GAS2L2: variants seen among roughly 807,000 people sequenced by gnomAD.
The protein encoded by GAS2L2 is growth arrest specific 2 like 2.
In GAS2L2, 21 loss-of-function variants were observed where a neutral mutation model predicts 35.2. The ratio of observed to expected loss-of-function variants is 0.60; its 90% CI spans 0.42 to 0.86. The LOEUF (loss-of-function observed/expected upper bound fraction) is 0.86, where lower values mean the gene tolerates loss of function less well. GAS2L2 is among the 40% of genes least tolerant of loss of function. The probability of loss-of-function intolerance (pLI) is 0.00; values close to 1 mark genes in which losing one functional copy is unlikely to be tolerated. For missense variants in GAS2L2, 1,169 were observed against 1,144.4 expected, an observed-to-expected ratio of 1.02 and a Z score of -0.31; for synonymous variants, 490 against 473.2, an observed-to-expected ratio of 1.04 and a Z score of -0.46.
Position 35,746,424 on chromosome 17 carries a change from A to C in GAS2L2, c.1086-13T>G, listed in dbSNP as rs782447823. On this transcript the variant is annotated splice_polypyrimidine_tract_variant and intron_variant, in intron 5 of 5. Coordinates refer to ENST00000604641, the MANE Select transcript of GAS2L2 (RefSeq NM_139285.4). ...CCTCTCCTGGCACCTGAAAGGGAGA[A>C]TCACAAGGCTGCAAAGGGAGACTCA... 7.5e-7 allele frequency: 1 copy of C among 1,327,864 alleles called. No individual in the cohort carries two copies. The highest frequency in any genetic ancestry group is 9.7e-7 in the Non-Finnish European group (1 of 1,029,158). 82.3% of individuals were successfully genotyped at this position (1,327,864 alleles called of 1,614,324 possible). A position where few individuals can be genotyped will look rare whatever the true frequency, so the allele number is the denominator to read the frequency against.
Position 35,745,112 on chromosome 17 carries a change from G to A in GAS2L2, c.2385C>T (p.Ile795=). The change falls in exon 6 of 6, where the codon ATC becomes ATT. Residue 795 remains isoleucine (I), a synonymous_variant. Coordinates refer to ENST00000604641, the MANE Select transcript of GAS2L2 (RefSeq NM_139285.4). ...DHRPEKQPSR[I]PRPLAYVFLG... ...GGAAGACATAGGCCAGTGGCCTGGG[G>A]ATTCGTGAAGGCTGCTTCTCAGGCC... 6.2e-7 allele frequency: 1 copy of A among 1,613,434 alleles called. No individual in the cohort carries two copies. Among genetic ancestry groups the A allele is most frequent in the African/African-American group, 1.3e-5 (1 of 75,062 alleles).
At position 35,752,686 on chromosome 17, in the gene GAS2L2, G is replaced by A. The variant is rs188247631; in HGVS notation, c.165C>T (p.Phe55=). ...CCAGGCCCGTTTCCAGCACCTGCAG[G>A]AAGTTGGCTGCGTCGATGTCCAGCC... is the stretch of plus-strand genomic sequence containing the variant. ...LYGLDIDAAN[F]LQVLETGLVL... Residue 55 remains phenylalanine (F), a synonymous_variant, in exon 1 of 6, where the codon TTC becomes TTT. Transcript: ENST00000604641. 1.2e-6 allele frequency: 2 copies of A among 1,614,118 alleles called. No individual in the cohort carries two copies. The highest frequency in any genetic ancestry group is 1.7e-6 in the Non-Finnish European group (2 of 1,180,038).
Position 35,744,851 on chromosome 17 carries a change from G to C in GAS2L2, c.*3C>G. The C allele has an allele frequency of 6.4e-7, 1 of 1,571,588 alleles. No individual in the cohort carries two copies. Among genetic ancestry groups the C allele is most frequent in the South Asian group, 1.2e-5 (1 of 86,144 alleles). On this transcript the variant is annotated 3_prime_UTR_variant, in exon 6 of 6. Coordinates refer to ENST00000604641, the MANE Select transcript of GAS2L2 (RefSeq NM_139285.4). ...TCCCTCCTACCCAACACGCTCATGT[G>C]CCTCAGACCCAGGACTCCTCCTCAG...
rs781883078 is a variant in GAS2L2 at position 35,744,839 on chromosome 17, A to T, written c.*15T>A. On this transcript the variant is annotated 3_prime_UTR_variant, in exon 6 of 6. Coordinates refer to ENST00000604641, the MANE Select transcript of GAS2L2 (RefSeq NM_139285.4). ...ATCCTTTTTGCTTCCCTCCTACCCA[A>T]CACGCTCATGTGCCTCAGACCCAGG... is the stretch of plus-strand genomic sequence containing the variant. The T allele has an allele frequency of 6.4e-7, 1 of 1,552,962 alleles. No individual in the cohort carries two copies. Among genetic ancestry groups the T allele is most frequent in the Non-Finnish European group, 8.7e-7 (1 of 1,145,364 alleles).
rs1331304686 is a variant in GAS2L2 at position 35,749,291 on chromosome 17, A to C, written c.628-74T>G. 24 of 901,532 alleles carry C rather than the reference A, an allele frequency of 2.7e-5. 1 individual carries two copies. Among genetic ancestry groups the C allele is most frequent in the Non-Finnish European group, 4.0e-5 (23 of 570,196 alleles). The allele number at this position is 901,532 out of a possible 1,614,324, so 55.8% of individuals were successfully genotyped here. A position where few individuals can be genotyped will look rare whatever the true frequency, so the allele number is the denominator to read the frequency against. On this transcript the variant is annotated intron_variant, in intron 2 of 5. Coordinates refer to ENST00000604641, the MANE Select transcript of GAS2L2 (RefSeq NM_139285.4). ...AAAATGGGGGGCCTACCTGCCCCCC[A>C]GGTCACCCCTGAGGTTTCTGCTGAG... is the stretch of plus-strand genomic sequence containing the variant.
In GAS2L2 at chr17:35,752,408, G is replaced by A; in HGVS notation, c.385+58C>T. On this transcript the variant is annotated intron_variant, in intron 1 of 5. Transcript: ENST00000604641. ...AGAGCTAGCCTGTGCATTTGAGAAAGGACCAATACCCCCCAAGATAAGCAT... is the reference window on the plus strand; with the variant it reads ...AGAGCTAGCCTGTGCATTTGAGAAAAGACCAATACCCCCCAAGATAAGCAT... 3 of 1,497,012 alleles carry A rather than the reference G, an allele frequency of 2.0e-6. No individual in the cohort carries two copies. In the South Asian group the frequency reaches 4.0e-5, roughly 20 times the overall value. The allele number at this position is 1,497,012 out of a possible 1,614,324, so 92.7% of individuals were successfully genotyped here.
chr17:35,744,935 G>A lies in GAS2L2; in HGVS notation c.2562C>T (p.Ser854=). 1.2e-6 allele frequency: 2 copies of A among 1,613,946 alleles called. No homozygotes were observed. ...EEKEPAAPLE[S]SPQPPEGLQP... The stretch of plus-strand genomic sequence containing the variant: ...GCAGGCCCTCTGGAGGTTGGGGGCT[G>A]CTCTCCAATGGAGCGGCTGGCTCTT... Residue 854 remains serine (S), a synonymous_variant, in exon 6 of 6, where the codon AGC becomes AGT. Coordinates refer to ENST00000604641, the MANE Select transcript of GAS2L2 (RefSeq NM_139285.4).
At position 35,746,344 on chromosome 17, in the gene GAS2L2, G is replaced by T. The variant is rs781938274; in HGVS notation, c.1153C>A (p.Gln385Lys). The T allele has an allele frequency of 1.5e-6, 2 of 1,378,790 alleles. No individual in the cohort carries two copies. Among genetic ancestry groups the T allele is most frequent in the Non-Finnish European group, 1.9e-6 (2 of 1,059,854 alleles). 85.4% of individuals were successfully genotyped at this position (1,378,790 alleles called of 1,614,324 possible). ...CGGCCTTTTTGGGTAGATGAGGACT[G>T]GGGGCTGGGTGGGCTGTCCCCAGCT... Reference protein sequence around the residue: ...PTAGDSPPSPQSSSTQKGRDP... With the variant: ...PTAGDSPPSPKSSSTQKGRDP... Residue 385 changes from glutamine (Q) to lysine (K), a missense_variant, in exon 6 of 6, where the codon CAG becomes AAG. By Grantham distance (53) the Gln-to-Lys change is moderately conservative. This residue lies in a region of GAS2L2 where 1,035 missense variants were observed against 976.5 expected (regional missense o/e 1.06). Transcript: ENST00000604641.
In GAS2L2 at chr17:35,745,583, GGGGAT is replaced by G. The variant is rs782151443; in HGVS notation, c.1909_1913del (p.Ile637GlnfsTer8). 46 of 1,613,864 alleles carry G rather than the reference GGGGAT, an allele frequency of 2.9e-5. No homozygotes were observed. In the South Asian group the frequency reaches 5.1e-4, roughly 18 times the overall value. ...GCTCAGGCCACTGCCCAGCCAGCCTGGGGATGTAGACCCCACTGCGAGGGATGACC... is the reference window on the plus strand; with the variant it reads ...GCTCAGGCCACTGCCCAGCCAGCCTGGTAGACCCCACTGCGAGGGATGACC... On this transcript the variant is annotated frameshift_variant, in exon 6 of 6. Transcript: ENST00000604641. LOFTEE classifies it low-confidence loss of function (END_TRUNC).
At chr17:35,750,360 C>T (rs781842447) in intron 1 of GAS2L2, 42 bp from the exon 2 acceptor site, 3 of 1,613,032 alleles carry the variant, frequency 1.9e-6, no homozygotes, top group Admixed American at 1.7e-5. Context: ...GCAGCGTGAG[C>T]CCCCAGAGGA....
rs76566031 is a variant in GAS2L2, at chr17:35,746,555, G to A, written c.1086-144C>T. ...AGACTTCACGCTGAATGAAACCTATGCTCCCTCTCCTCCGTGACTGCCCAG... is the reference window on the plus strand; with the variant it reads ...AGACTTCACGCTGAATGAAACCTATACTCCCTCTCCTCCGTGACTGCCCAG... On this transcript the variant is annotated intron_variant, in intron 5 of 5. Transcript: ENST00000604641. The A allele has an allele frequency of 1.3e-3, 610 of 462,820 alleles. 5 individuals are homozygous for A. In the East Asian group the frequency reaches 0.02, roughly 15 times the overall value. 28.7% of individuals were successfully genotyped at this position (462,820 alleles called of 1,614,324 possible). A position where few individuals can be genotyped will look rare whatever the true frequency, so the allele number is the denominator to read the frequency against.
chr17:35,746,270 A>AG lies in GAS2L2; in HGVS notation c.1226dup (p.Glu410Ter), dbSNP rs782212939. The AG allele has an allele frequency of 8.2e-6, 12 of 1,455,598 alleles. No homozygotes were observed. The highest frequency in any genetic ancestry group is 3.5e-5 in the South Asian group (2 of 56,858). The allele number at this position is 1,455,598 out of a possible 1,614,324, so 90.2% of individuals were successfully genotyped here. On this transcript the variant is annotated frameshift_variant, in exon 6 of 6. Transcript: ENST00000604641. LOFTEE classifies it low-confidence loss of function (END_TRUNC). Reference sequence around the variant, plus strand: ...TGGGAATCCTTCCCCTGGGGAGTTCAGGGGGGTATCTCTCCTCCCTCTTTC... The same window carrying AG: ...TGGGAATCCTTCCCCTGGGGAGTTCAGGGGGGGTATCTCTCCTCCCTCTTTC...
In GAS2L2 at chr17:35,746,221, C is replaced by CT; in HGVS notation, c.1275dup (p.Asp426ArgfsTer19). ...TTCCCGGCGTCGGTTCCCCAGCTGT[C>CT]TGTTTCTTCATGAACCCAAGATGTG... On this transcript the variant is annotated frameshift_variant, in exon 6 of 6. Coordinates refer to ENST00000604641, the MANE Select transcript of GAS2L2 (RefSeq NM_139285.4). LOFTEE classifies it low-confidence loss of function (END_TRUNC). 6.8e-7 allele frequency: 1 copy of CT among 1,479,928 alleles called. No homozygotes were observed. Among genetic ancestry groups the CT allele is most frequent in the Non-Finnish European group, 9.0e-7 (1 of 1,114,334 alleles). 91.7% of individuals were successfully genotyped at this position (1,479,928 alleles called of 1,614,324 possible).
At position 35,752,642 on chromosome 17, in the gene GAS2L2, T is replaced by C. The variant is rs782106330; in HGVS notation, c.209A>G (p.Asn70Ser). The change falls in exon 1 of 6, where the codon AAC (asparagine) becomes AGC (serine). Residue 70 changes from asparagine (N) to serine (S), a missense_variant. Around this residue, in one of 3 missense-constraint regions of GAS2L2, gnomAD observed 127 missense variants for 146.1 expected, o/e 0.87. Coordinates refer to ENST00000604641, the MANE Select transcript of GAS2L2 (RefSeq NM_139285.4). ...GGCCAGGGCAGCGTCAGTGACAACG[T>C]TGGCGTGTTGGCACAGCACCAGGCC... ...ETGLVLCQHA[N>S]VVTDAALAFL... 6.2e-6 allele frequency: 10 copies of C among 1,613,780 alleles called. No homozygotes were observed. Among genetic ancestry groups the C allele is most frequent in the African/African-American group, 1.3e-5 (1 of 75,062 alleles).
chr17:35,746,773 G>T (rs1003656483), intron 5 of GAS2L2, among the ~76,000 whole-genome samples: 1 of 152,160 alleles, frequency 6.6e-6, no homozygotes, highest in East Asian at 1.9e-4. Context: ...ACCATGAAAT[G>T]GTAGGAAACC....
Position 35,747,232 on chromosome 17 carries a change from G to A in GAS2L2, c.869C>T (p.Pro290Leu), listed in dbSNP as rs782148834. Residue 290 changes from proline (P) to leucine (L), a missense_variant, in exon 5 of 6, where the codon CCA (proline) becomes CTA (leucine). By Grantham distance (98) the Pro-to-Leu change is moderately conservative. This residue lies in a region of GAS2L2 where 1,035 missense variants were observed against 976.5 expected (regional missense o/e 1.06). Transcript: ENST00000604641. ...TACCCTTACTTCATGCTGCACTGGTGGGGCCGGGGGCTTCAGGAAGCTGCC... is the reference window on the plus strand; with the variant it reads ...TACCCTTACTTCATGCTGCACTGGTAGGGCCGGGGGCTTCAGGAAGCTGCC... ...KPGSFLKPPA[P>L]PVQHEVRVQD... 28 of 1,613,008 alleles carry A rather than the reference G, an allele frequency of 1.7e-5. No individual in the cohort carries two copies. The highest frequency in any genetic ancestry group is 2.2e-5 in the Non-Finnish European group (26 of 1,179,426).
Position 35,747,001 on chromosome 17 carries a change from G to A in GAS2L2, c.1085+15C>T. 3 of 1,529,404 alleles carry A rather than the reference G, an allele frequency of 2.0e-6. No homozygotes were observed. The highest frequency in any genetic ancestry group is 2.6e-6 in the Non-Finnish European group (3 of 1,139,052). 94.7% of individuals were successfully genotyped at this position (1,529,404 alleles called of 1,614,324 possible). A position where few individuals can be genotyped will look rare whatever the true frequency, so the allele number is the denominator to read the frequency against. ...CCAAAGGAAAAAGAGCCCCATCCCT[G>A]TCTCTTCCCCATACCTCAGGAATGG... is the stretch of plus-strand genomic sequence containing the variant. On this transcript the variant is annotated intron_variant, in intron 5 of 5. Coordinates refer to ENST00000604641, the MANE Select transcript of GAS2L2 (RefSeq NM_139285.4).
rs782206319 is a variant in GAS2L2, at chr17:35,749,126, G to T, written c.719C>A (p.Thr240Asn). Reference sequence around the variant, plus strand: ...TGGACTTACCCGGATGAAGATGAGGGTGTTGGAGTCACCCACACGGTACTT... The same window carrying T: ...TGGACTTACCCGGATGAAGATGAGGTTGTTGGAGTCACCCACACGGTACTT... The part of the protein sequence containing the change: ...EGKYRVGDSN[T>N]LIFIRILRNH... The change falls in exon 3 of 6, where the codon ACC (threonine) becomes AAC (asparagine). Residue 240 changes from threonine to asparagine, a missense_variant. Coordinates refer to ENST00000604641, the MANE Select transcript of GAS2L2 (RefSeq NM_139285.4). 6.8e-6 allele frequency: 11 copies of T among 1,612,738 alleles called. No individual in the cohort carries two copies. In the Admixed American group the frequency reaches 1.8e-4, roughly 27 times the overall value.
chr17:35,750,321 G>A lies in GAS2L2; in HGVS notation c.386-3C>T, dbSNP rs781931137. The A allele has an allele frequency of 8.6e-5, 138 of 1,613,832 alleles. 1 individual carries two copies. The South Asian group carries it at 1.5e-3, about 17-fold the overall frequency. On this transcript the variant is annotated splice_region_variant and splice_polypyrimidine_tract_variant and intron_variant, in intron 1 of 5. Coordinates refer to ENST00000604641, the MANE Select transcript of GAS2L2 (RefSeq NM_139285.4). The stretch of plus-strand genomic sequence containing the variant: ...CTCCGTCTCGAACATCAGCACCTCT[G>A]GAGTGGAGGCGGGGAGAAAAGGGCA...
Sources: gnomAD v4.1 joint callset for allele counts (sites outside exome capture counted in the v4.1 genomes callset) on GRCh38, gnomAD v4.1.1 for gene constraint, gnomAD v4.1.1 regional missense constraint, MANE v1.5 for transcripts, NCBI Gene and HGNC (gene_info 2026-07-23, HGNC 2026-07-21) for gene names.